SLC12A3: variants seen among roughly 807,000 people sequenced by gnomAD.
SLC12A3 encodes the protein solute carrier family 12 member 3.
A neutral mutation model predicts 121.0 loss-of-function variants in SLC12A3; 104 were observed. The observed-to-expected ratio is 0.86, with a 90% CI of 0.73 to 1.01. SLC12A3 has a LOEUF of 1.01. SLC12A3 is among the 50% of genes least tolerant of loss of function. The pLI is 0.00. For synonymous variants in SLC12A3, 536 were observed against 533.4 expected, an observed-to-expected ratio of 1.00 and a Z score of -0.07; for missense variants, 1,328 against 1,356.3, an observed-to-expected ratio of 0.98 and a Z score of 0.33.
At chr16:56,886,044 T>C (rs146275478) in intron 15 of SLC12A3, among the ~76,000 whole-genome samples, 288 of 152,310 alleles carry the variant, frequency 1.9e-3, no homozygotes, top group African/African-American at 6.6e-3. Flanking sequence ...GATGAGTTTG[T>C]AAGTGACAGG....
At position 56,869,719 on chromosome 16, in the gene SLC12A3, C is replaced by A. The variant is rs1731677303; in HGVS notation, c.506-10C>A. The A allele has an allele frequency of 6.2e-7, 1 of 1,612,286 alleles. No individual in the cohort carries two copies. Reference sequence around the variant, plus strand: ...AAATGCCCTGCCTAAGCTTTGGGTGCCCCCTGCAGTCCTGACCTGGATCAT... The same window carrying A: ...AAATGCCCTGCCTAAGCTTTGGGTGACCCCTGCAGTCCTGACCTGGATCAT... On this transcript the variant is annotated splice_polypyrimidine_tract_variant and intron_variant, in intron 3 of 25. Coordinates refer to ENST00000563236, the MANE Select transcript of SLC12A3 (RefSeq NM_001126108.2).
intron 22 of SLC12A3, among the ~76,000 whole-genome samples, chr16:56,897,216 C>G (rs1023909851): frequency 6.6e-6 from 1 of 152,188 alleles, no homozygotes; most frequent in Non-Finnish European, 1.5e-5. Flanking sequence ...TGGGCAGCTG[C>G]TGCTTTGAGC....
chr16:56,909,524 G>A (rs577056061), intron 25 of SLC12A3, among the ~76,000 whole-genome samples: 1 of 150,526 alleles, frequency 6.6e-6, no homozygotes, highest in East Asian at 2.0e-4. Context: ...TGACCCAAGA[G>A]AAGACCCCTG....
intron 25 of SLC12A3, among the ~76,000 whole-genome samples, chr16:56,911,846 G>GTGA (rs1402393040): frequency 6.6e-6 from 1 of 152,252 alleles, no homozygotes; most frequent in Non-Finnish European, 1.5e-5. Flanking sequence ...GTACTAAGTG[G>GTGA]TGATGACAGC....
intron 24 of SLC12A3, 23 bp downstream of exon 24, chr16:56,902,531 G>GCCCC: frequency 3.7e-4 from 261 of 713,766 alleles, no homozygotes; most frequent in Non-Finnish European, 5.3e-4. Flanking sequence ...GTGGGGGTGG[G>GCCCC]AAACGCGACA....
At chr16:56,891,371 CAA>C (rs35706137) in intron 19 of SLC12A3, among the ~76,000 whole-genome samples, 205 of 73,856 alleles carry the variant, frequency 2.8e-3, no homozygotes, top group African/African-American at 6.2e-3. Flanking sequence ...GACCCTGTCT[CAA>C]AAAAAAAAAA....
intron 22 of SLC12A3, among the ~76,000 whole-genome samples, chr16:56,895,744 C>T (rs2055453929): frequency 2.0e-5 from 3 of 151,814 alleles, no homozygotes; most frequent in Non-Finnish European, 4.4e-5. Context: ...TTATTGTGCA[C>T]TTTATTTCTA....
Position 56,887,914 on chromosome 16 carries a change from T to TC in SLC12A3, c.2179-7dup. On this transcript the variant is annotated splice_polypyrimidine_tract_variant and intron_variant, in intron 17 of 25. Coordinates refer to ENST00000563236, the MANE Select transcript of SLC12A3 (RefSeq NM_001126108.2). ...TGATGGGTTCCCCATCTCACCCCTA[T>TC]CCCCTGGCAGGCCGCAGGTCTCGGG... The TC allele has an allele frequency of 6.2e-7, 1 of 1,600,356 alleles. No individual in the cohort carries two copies. Among genetic ancestry groups the TC allele is most frequent in the East Asian group, 2.3e-5 (1 of 44,422 alleles).
chr16:56,866,821 T>C (rs1476672628), intron 1 of SLC12A3, among the ~76,000 whole-genome samples: 1 of 152,214 alleles, frequency 6.6e-6, no homozygotes, highest in African/African-American at 2.4e-5. Flanking sequence ...TTGCCCAGGC[T>C]GGTCTTGAAC....
At position 56,887,007 on chromosome 16, in the gene SLC12A3, A is replaced by G. The variant is rs1002622545; in HGVS notation, c.2092A>G (p.Lys698Glu). The G allele has an allele frequency of 1.2e-6, 2 of 1,613,546 alleles. No individual in the cohort carries two copies. Among genetic ancestry groups the G allele is most frequent in the African/African-American group, 2.7e-5 (2 of 74,896 alleles). Residue 698 changes from lysine to glutamate, a missense_variant, in exon 17 of 26, where the codon AAG becomes GAG. Physicochemically the swap from Lys to Glu is moderately conservative, Grantham distance 56 (BLOSUM62 1). Transcript: ENST00000563236. ...ELQLIANGHT[K>E]WLNKRKIKAF... Reference sequence around the variant, plus strand: ...CCAGCTCATCGCCAACGGGCACACCAAGTGGCTGAACAAGAGGAAGATCAA... The same window carrying G: ...CCAGCTCATCGCCAACGGGCACACCGAGTGGCTGAACAAGAGGAAGATCAA...
At position 56,870,779 on chromosome 16, in the gene SLC12A3, G is replaced by A; in HGVS notation, c.852+43G>A. The A allele has an allele frequency of 5.6e-6, 7 of 1,240,388 alleles. No individual in the cohort carries two copies. In the South Asian group the frequency reaches 8.4e-5, roughly 15 times the overall value. 76.8% of individuals were successfully genotyped at this position (1,240,388 alleles called of 1,614,324 possible). ...GAGGGGGACATGGAGGTGGTCACGT[G>A]GAGAAGCGGGGGTTGCCAGGCCTGG... On this transcript the variant is annotated intron_variant, in intron 6 of 25. Transcript: ENST00000563236.
intron 23 of SLC12A3, 58 bp from the exon 24 acceptor site, chr16:56,902,315 C>A: frequency 6.2e-7 from 1 of 1,609,388 alleles, no homozygotes; most frequent in South Asian, 1.1e-5. Context: ...AGGGACCTGG[C>A]ACCCCTAGAA....
intron 17 of SLC12A3, 125 bp from the exon 18 acceptor site, chr16:56,887,788 ATATATATATATT>A (rs1413405941): frequency 1.3e-4 from 13 of 103,930 alleles, no homozygotes; most frequent in East Asian, 6.8e-4. Flanking sequence ...ATATATATAT[ATATATATATATT>A]TTTTTTTTTT....
At chr16:56,885,448 C>T (rs1567436918) in intron 15 of SLC12A3, 84 bp downstream of exon 15, 2 of 916,408 alleles carry the variant, frequency 2.2e-6, no homozygotes. Context: ...AGACCTGTCA[C>T]CTGACCCAGG....
chr16:56,879,495 C>A, intron 10 of SLC12A3, 47 bp from the exon 11 acceptor site: 6 of 1,482,838 alleles, frequency 4.0e-6, no homozygotes, highest in Non-Finnish European at 5.7e-6. Flanking sequence ...ATGGGGGCTC[C>A]TGGCTCAGCC....
At position 56,869,737 on chromosome 16, in the gene SLC12A3, T is replaced by C. The variant is rs757792232; in HGVS notation, c.514T>C (p.Trp172Arg). The C allele has an allele frequency of 1.1e-5, 18 of 1,614,150 alleles. No individual in the cohort carries two copies. Among genetic ancestry groups the C allele is most frequent in the Middle Eastern group, 1.6e-4 (1 of 6,062 alleles). The change falls in exon 4 of 26, where the codon TGG becomes CGG. Residue 172 changes from tryptophan (W) to arginine (R), a missense_variant. By Grantham distance (101) the Trp-to-Arg change is moderately radical (BLOSUM62 -3). Transcript: ENST00000563236. ...TTGGGTGCCCCCTGCAGTCCTGACCTGGATCATCATCCTGCTGTCGGTCAC... is the reference window on the plus strand; with the variant it reads ...TTGGGTGCCCCCTGCAGTCCTGACCCGGATCATCATCCTGCTGTCGGTCAC... ...ITAQAGIVLT[W>R]IIILLSVTVT...
chr16:56,869,902 AC>A (rs2055067994), intron 4 of SLC12A3, 78 bp downstream of exon 4: 22 of 1,416,628 alleles, frequency 1.6e-5, no homozygotes, highest in Non-Finnish European at 2.1e-5. Flanking sequence ...AACTTCCCCA[AC>A]CCAATGGTAC....
chr16:56,876,413 T>C (rs955520491), intron 8 of SLC12A3, among the ~76,000 whole-genome samples: 1 of 152,180 alleles, frequency 6.6e-6, no homozygotes, highest in Non-Finnish European at 1.5e-5. Context: ...GGGGACCCCA[T>C]GTGCATGGCC....
intron 10 of SLC12A3, 102 bp from the exon 11 acceptor site, chr16:56,879,440 C>A: frequency 8.8e-7 from 1 of 1,132,656 alleles, no homozygotes; most frequent in South Asian, 1.3e-5. Flanking sequence ...CAGGTGGAGG[C>A]TCAGGACCCA....
Sources: gnomAD v4.1 joint callset for allele counts (sites outside exome capture counted in the v4.1 genomes callset) on GRCh38, gnomAD v4.1.1 for gene constraint, MANE v1.5 for transcripts, NCBI Gene and HGNC (gene_info 2026-07-23, HGNC 2026-07-21) for gene names.